The following LMX1B variants were observed in gnomAD, a reference collection of about 807,000 sequenced individuals.
LMX1B encodes LIM homeobox transcription factor 1-beta.
A neutral mutation model predicts 51.4 loss-of-function variants in LMX1B; 12 were observed. The observed-to-expected ratio is 0.23, with a 90% CI of 0.15 to 0.38. LMX1B has a LOEUF of 0.38. Among genes scored for constraint, LMX1B ranks in the 10% least tolerant of loss-of-function variants. The probability of loss-of-function intolerance (pLI) is 1.00; values close to 1 mark genes in which losing one functional copy is unlikely to be tolerated. For synonymous variants in LMX1B, 237 were observed against 235.4 expected, an observed-to-expected ratio of 1.01 and a Z score of -0.06; for missense variants, 445 against 571.1, an observed-to-expected ratio of 0.78 and a Z score of 2.25.
intron 2 of LMX1B, among the ~76,000 whole-genome samples, chr9:126,649,381 C>A (rs558429102): frequency 6.6e-6 from 1 of 152,200 alleles, no homozygotes; most frequent in African/African-American, 2.4e-5. Context: ...AGGCATCTCT[C>A]CTGCTTTTCC....
rs1180393108 is a variant in LMX1B, at chr9:126,695,816, G to A, written c.887-23G>A. 4 of 1,611,894 alleles carry A rather than the reference G, an allele frequency of 2.5e-6. No homozygotes were observed. Among genetic ancestry groups the A allele is most frequent in the Non-Finnish European group, 3.4e-6 (4 of 1,179,330 alleles). The stretch of plus-strand genomic sequence containing the variant: ...GGGAGGGCGTGGACCAGGCCAGGGG[G>A]TGAAGGCTCACTGTGCCCCCAGAGG... On this transcript the variant is annotated intron_variant, in intron 6 of 7. Coordinates refer to ENST00000373474, the MANE Select transcript of LMX1B (RefSeq NM_001174147.2). This position sits in a 1 kb window ranked among gnomAD's most constrained non-coding sequence, Gnocchi z 5.2.
rs753460178 is a variant in LMX1B at position 126,691,024 on chromosome 9, A to C, written c.515A>C (p.Glu172Ala). ...QLLCKGDYEK[E>A]KDLLSSVSPD... is the part of the protein sequence containing the mutation. ...CTGTGCAAGGGTGACTACGAGAAGG[A>C]GAAGGACCTGCTCAGCTCCGTGAGC... Residue 172 changes from glutamate to alanine, a missense_variant, in exon 3 of 8, where the codon GAG becomes GCG. Physicochemically the swap from Glu to Ala is moderately radical, Grantham distance 107 (BLOSUM62 -1). This residue lies in a region of LMX1B where 273 missense variants were observed against 343.3 expected (regional missense o/e 0.80). Coordinates refer to ENST00000373474, the MANE Select transcript of LMX1B (RefSeq NM_001174147.2). 3 of 1,613,904 alleles carry C rather than the reference A, an allele frequency of 1.9e-6. No homozygotes were observed. Among genetic ancestry groups the C allele is most frequent in the Non-Finnish European group, 2.5e-6 (3 of 1,179,880 alleles).
In LMX1B at chr9:126,622,188, G is replaced by A. The variant is rs568527130; in HGVS notation, c.326+6619G>A. Among the ~76,000 whole-genome samples the A allele has an allele frequency of 2.0e-5, 3 of 152,294 alleles. No homozygotes were observed. The East Asian group carries it at 5.8e-4, about 29-fold the overall frequency. ...TGGCTCGGACCAGCCCTGGACGAAT[G>A]TCCTGGCTGATGGCAGAGCACCTGG... On this transcript the variant is annotated intron_variant, in intron 2 of 7. Coordinates refer to ENST00000373474, the MANE Select transcript of LMX1B (RefSeq NM_001174147.2).
Position 126,696,531 on chromosome 9 carries a change from C to G in LMX1B, c.*80C>G. On this transcript the variant is annotated 3_prime_UTR_variant, in exon 8 of 8. Transcript: ENST00000373474. ...TCTGCGGCCAGCCTGGCCACCCCCG[C>G]CCTGCTCTCCGCACAGACTACAGAC... is the stretch of plus-strand genomic sequence containing the variant. 1 of 1,525,400 alleles carries G rather than the reference C, an allele frequency of 6.6e-7. No homozygotes were observed. The highest frequency in any genetic ancestry group is 9.1e-7 in the Non-Finnish European group (1 of 1,103,578). The allele number at this position is 1,525,400 out of a possible 1,614,324, so 94.5% of individuals were successfully genotyped here. A position where few individuals can be genotyped will look rare whatever the true frequency, so the allele number is the denominator to read the frequency against.
At chr9:126,652,005 G>GA (rs1388440449) in intron 2 of LMX1B, among the ~76,000 whole-genome samples, 1 of 150,702 alleles carries the variant, frequency 6.6e-6, no homozygotes. Context: ...AGAGATGGGG[G>GA]GGGGCCTGCC....
At chr9:126,688,066 G>A (rs888583004) in intron 2 of LMX1B, among the ~76,000 whole-genome samples, 3 of 152,214 alleles carry the variant, frequency 2.0e-5, no homozygotes, top group South Asian at 2.1e-4. Flanking sequence ...AACGGATGGC[G>A]CATTCTGTTT....
At position 126,618,707 on chromosome 9, in the gene LMX1B, T is replaced by C. The variant is rs1835349731; in HGVS notation, c.326+3138T>C. Among the ~76,000 whole-genome samples the C allele has an allele frequency of 6.6e-6, 1 of 152,186 alleles. No individual in the cohort carries two copies. On this transcript the variant is annotated intron_variant, in intron 2 of 7. Coordinates refer to ENST00000373474, the MANE Select transcript of LMX1B (RefSeq NM_001174147.2). The surrounding 1 kb of genome is among the most constrained non-coding windows in gnomAD (Gnocchi z 4.5). The stretch of plus-strand genomic sequence containing the variant: ...TTGGCGGCTTGGCCGAATAGAATTA[T>C]GTAACTCTCTTTTCTTGCCGTCTGT...
chr9:126,672,036 C>T lies in LMX1B; in HGVS notation c.327-18800C>T, dbSNP rs376201384. Among the ~76,000 whole-genome samples, 13 of 152,354 alleles carry T rather than the reference C, an allele frequency of 8.5e-5. No homozygotes were observed. In the East Asian group the frequency reaches 2.1e-3, roughly 25 times the overall value. ...CTGCCTGGGGCAGGGCTGCTGGGGC[C>T]GGGCTCCTTCCAAGGGGTCAGTGGA... is the stretch of plus-strand genomic sequence containing the variant. On this transcript the variant is annotated intron_variant, in intron 2 of 7. Coordinates refer to ENST00000373474, the MANE Select transcript of LMX1B (RefSeq NM_001174147.2).
chr9:126,642,671 A>G (rs1353784393), intron 2 of LMX1B, among the ~76,000 whole-genome samples: 1 of 152,178 alleles, frequency 6.6e-6, no homozygotes, highest in Non-Finnish European at 1.5e-5. Flanking sequence ...CTGCCATAAT[A>G]TAGACACTGG....
At chr9:126,670,616 T>G (rs1424501706) in intron 2 of LMX1B, among the ~76,000 whole-genome samples, 2 of 152,132 alleles carry the variant, frequency 1.3e-5, no homozygotes, top group Admixed American at 1.3e-4. Flanking sequence ...GACAGGCATG[T>G]GTGAGTGGAC....
rs1354650890 is a variant in LMX1B, at chr9:126,614,578, G to C, written c.129G>C (p.Gly43=). The change falls in exon 1 of 8, where the codon GGG becomes GGC. Residue 43 remains glycine (G), a synonymous_variant. Transcript: ENST00000373474. ...TGCGCCCCGGGCCCGCCACTCTGGG[G>C]GTGCTGCTGGGTGAGTGCGGGGTCG... is the stretch of plus-strand genomic sequence containing the variant. ...HALRPGPATL[G]VLLGSDCPHP... is the part of the protein sequence containing the mutation. 1.9e-6 allele frequency: 3 copies of C among 1,597,826 alleles called. No homozygotes were observed. The highest frequency in any genetic ancestry group is 4.5e-5 in the East Asian group (2 of 43,988).
At chr9:126,628,230 C>G (rs1835569625) in intron 2 of LMX1B, among the ~76,000 whole-genome samples, 2 of 152,234 alleles carry the variant, frequency 1.3e-5, no homozygotes, top group Admixed American at 1.3e-4. Context: ...ACTCAGAGGG[C>G]CAGTGGGCTG....
chr9:126,651,181 G>A (rs1217867500), intron 2 of LMX1B, among the ~76,000 whole-genome samples: 3 of 151,716 alleles, frequency 2.0e-5, no homozygotes, highest in East Asian at 2.0e-4. Context: ...CCTTCTCTCC[G>A]TGCTGGGGCT....
rs891342560 is a variant in LMX1B at position 126,673,271 on chromosome 9, G to A, written c.327-17565G>A. Reference sequence around the variant, plus strand: ...CCCTACCTAGGGAAAGGGCATTGAGGGGACCTGTCAGAGTGAATGGGGAGC... The same window carrying A: ...CCCTACCTAGGGAAAGGGCATTGAGAGGACCTGTCAGAGTGAATGGGGAGC... On this transcript the variant is annotated intron_variant, in intron 2 of 7. Transcript: ENST00000373474. This position sits in a 1 kb window ranked among gnomAD's most constrained non-coding sequence, Gnocchi z 4.4. Among the ~76,000 whole-genome samples, 2 of 152,136 alleles carry A rather than the reference G, an allele frequency of 1.3e-5. No individual in the cohort carries two copies. The highest frequency in any genetic ancestry group is 1.9e-4 in the East Asian group (1 of 5,162).
chr9:126,630,261 A>G (rs766693910), intron 2 of LMX1B, among the ~76,000 whole-genome samples: 17 of 151,408 alleles, frequency 1.1e-4, no homozygotes, highest in Non-Finnish European at 2.4e-4. Context: ...CCACACAGCC[A>G]GTGGGGGGCT....
At chr9:126,651,949 G>A (rs1252125968) in intron 2 of LMX1B, among the ~76,000 whole-genome samples, 4 of 152,024 alleles carry the variant, frequency 2.6e-5, no homozygotes, top group Non-Finnish European at 4.4e-5. Context: ...CAGGGCCATC[G>A]AGACAAAAAG....
intron 2 of LMX1B, among the ~76,000 whole-genome samples, chr9:126,637,337 G>T (rs1835732010): frequency 6.6e-6 from 1 of 152,178 alleles, no homozygotes; most frequent in Non-Finnish European, 1.5e-5. Context: ...TGTGCTGTGG[G>T]TGTGTCCCTG....
At chr9:126,690,322 G>C (rs891426576) in intron 2 of LMX1B, among the ~76,000 whole-genome samples, 1 of 152,156 alleles carries the variant, frequency 6.6e-6, no homozygotes, top group African/African-American at 2.4e-5. Flanking sequence ...GGGGTTTGAA[G>C]GATTGAAGGG....
intron 2 of LMX1B, among the ~76,000 whole-genome samples, chr9:126,688,322 C>T (rs2029985340): frequency 6.6e-6 from 1 of 152,242 alleles, no homozygotes; most frequent in Admixed American, 6.5e-5. Flanking sequence ...ACCCGCCCTG[C>T]TGCCCCTTCC....
Sources: allele counts gnomAD v4.1 joint callset (sites outside exome capture counted in the v4.1 genomes callset), GRCh38; gene constraint gnomAD v4.1.1; regional missense constraint gnomAD v4.1.1; non-coding constraint Gnocchi (gnomAD v3.1); transcripts MANE v1.5; gene names NCBI Gene and HGNC (gene_info 2026-07-23, HGNC 2026-07-21).